MGLL: variants seen among roughly 807,000 people sequenced by gnomAD.
MGLL encodes monoglyceride lipase, also known as lysophospholipase homolog.
A neutral mutation model predicts 29.1 loss-of-function variants in MGLL; 7 were observed. That is an observed-to-expected ratio of 0.24 (90% confidence interval 0.14 to 0.45). MGLL has a LOEUF of 0.45. MGLL is among the 20% of genes least tolerant of loss of function. The pLI is 0.99. For synonymous variants in MGLL, 148 were observed against 168.3 expected (o/e 0.88, Z 0.93); for missense variants, 356 against 413.6 (o/e 0.86, Z 1.21).
chr3:127,729,579 A>G (rs1390307174), intron 3 of MGLL, among the ~76,000 whole-genome samples: 1 of 152,198 alleles, frequency 6.6e-6, no homozygotes, highest in East Asian at 1.9e-4. Context: ...CACTATCTAT[A>G]AGAAGTTCCA....
chr3:127,695,047 G>C lies in MGLL; in HGVS notation c.744C>G (p.Ala248=). 6.2e-7 allele frequency: 1 copy of C among 1,614,104 alleles called. No homozygotes were observed. Residue 248 remains alanine, a synonymous_variant, in exon 7 of 8, where the codon GCC becomes GCG. Transcript: ENST00000265052. ...TVPFLLLQGS[A]DRLCDSKGAY... ...CCCCTTTGCTGTCACATAGGCGATC[G>C]GCAGAGCCCTGGAGCAGCAGGAAGG...
chr3:127,691,383 A>T lies in MGLL; in HGVS notation c.*815T>A, dbSNP rs2107572317. 1 of 152,334 alleles carries T rather than the reference A, an allele frequency of 6.6e-6. No individual in the cohort carries two copies. The highest frequency in any genetic ancestry group is 1.5e-5 in the Non-Finnish European group (1 of 68,056). The allele number at this position is 152,334 out of a possible 1,614,324, so 9.4% of individuals were successfully genotyped here. A position where few individuals can be genotyped will look rare whatever the true frequency, so the allele number is the denominator to read the frequency against. On this transcript the variant is annotated 3_prime_UTR_variant, in exon 8 of 8. Coordinates refer to ENST00000265052, the MANE Select transcript of MGLL (RefSeq NM_007283.7). ...AAATAGTCTCTGCTTTAAAATATACATTATATATTAGACATTTCATCTTCA... is the reference window on the plus strand; with the variant it reads ...AAATAGTCTCTGCTTTAAAATATACTTTATATATTAGACATTTCATCTTCA...
At chr3:127,715,691 G>C (rs1464637401) in intron 5 of MGLL, 1 of 456,726 alleles carries the variant, frequency 2.2e-6, no homozygotes, top group Admixed American at 2.3e-5. Flanking sequence ...CATTGAGGCG[G>C]CATGACGAGG....
chr3:127,812,973 A>G (rs530448910), intron 2 of MGLL, among the ~76,000 whole-genome samples: 1 of 152,200 alleles, frequency 6.6e-6, no homozygotes, highest in South Asian at 2.1e-4. Flanking sequence ...TCTCTTCAAG[A>G]TTGACGGAAG....
chr3:127,763,519 C>T lies in MGLL; in HGVS notation c.262+18270G>A, dbSNP rs572899819. Among the ~76,000 whole-genome samples, 423 of 152,330 alleles carry T rather than the reference C, an allele frequency of 2.8e-3. 1 individual carries two copies. Among genetic ancestry groups the T allele is most frequent in the Non-Finnish European group, 5.0e-3 (341 of 68,026 alleles). ...ATGCCACAGTGTGGCTTCTGCTTGC[C>T]AAGGGGCCTGCCACAGCAGCCACGG... On this transcript the variant is annotated intron_variant, in intron 3 of 7. Coordinates refer to ENST00000265052, the MANE Select transcript of MGLL (RefSeq NM_007283.7).
rs774965066 is a variant in MGLL at position 127,737,630 on chromosome 3, C to CTTTTTTTTTTTT, written c.263-15076_263-15065dup. ...GACACAGTGAAATCATCAACTGCTT[C>CTTTTTTTTTTTT]TTTTTTTTTTTTTTTTTTTTTTTTT... On this transcript the variant is annotated intron_variant, in intron 3 of 7. Transcript: ENST00000265052. Among the ~76,000 whole-genome samples, 626 of 68,586 alleles carry CTTTTTTTTTTTT rather than the reference C, an allele frequency of 9.1e-3. 79 individuals are homozygous for CTTTTTTTTTTTT. The highest frequency in any genetic ancestry group is 0.041 in the East Asian group (75 of 1,814). The allele number at this position is 68,586 out of a possible 152,430, so 45.0% of individuals were successfully genotyped here.
At chr3:127,701,300 A>G (rs1214040947) in intron 6 of MGLL, among the ~76,000 whole-genome samples, 2 of 151,744 alleles carry the variant, frequency 1.3e-5, no homozygotes, top group African/African-American at 4.8e-5. Flanking sequence ...GTTGGCCTGA[A>G]TTTGGAACAT....
intron 5 of MGLL, among the ~76,000 whole-genome samples, chr3:127,718,022 G>GC (rs1033513137): frequency 4.6e-5 from 7 of 152,006 alleles, no homozygotes; most frequent in African/African-American, 4.8e-5. Context: ...AATGTTTGGG[G>GC]CCCCCCCATC....
At chr3:127,742,838 C>A (rs1179545964) in intron 3 of MGLL, among the ~76,000 whole-genome samples, 1 of 152,166 alleles carries the variant, frequency 6.6e-6, no homozygotes, top group Admixed American at 6.5e-5. Context: ...GCCGCTTGAG[C>A]CATTTCTTGC....
intron 3 of MGLL, among the ~76,000 whole-genome samples, chr3:127,739,762 C>T (rs974405666): frequency 6.6e-5 from 10 of 152,176 alleles, no homozygotes; most frequent in Non-Finnish European, 1.0e-4. Context: ...CTGGATGCCA[C>T]GCAGGGGTGT....
At chr3:127,812,199 C>CTTTA (rs763733280) in intron 2 of MGLL, among the ~76,000 whole-genome samples, 29 of 152,202 alleles carry the variant, frequency 1.9e-4, no homozygotes, top group Non-Finnish European at 4.3e-4. Flanking sequence ...TGACTTCCAG[C>CTTTA]TATAATAGCT....
intron 6 of MGLL, among the ~76,000 whole-genome samples, chr3:127,703,136 C>G (rs1242892888): frequency 6.6e-6 from 1 of 152,186 alleles, no homozygotes; most frequent in Non-Finnish European, 1.5e-5. Flanking sequence ...GCTTCAGAGT[C>G]TTCACAACCA....
At chr3:127,723,103 C>T (rs1247898759) in intron 3 of MGLL, among the ~76,000 whole-genome samples, 1 of 152,196 alleles carries the variant, frequency 6.6e-6, no homozygotes, top group African/African-American at 2.4e-5. Context: ...TGCCAGAAAG[C>T]GTCTCGACGA....
chr3:127,802,951 C>G (rs746626434), intron 2 of MGLL, among the ~76,000 whole-genome samples: 16 of 151,998 alleles, frequency 1.1e-4, no homozygotes, highest in Non-Finnish European at 2.1e-4. Flanking sequence ...GCTTGGAGCA[C>G]TGTCTTTCAA....
In MGLL at chr3:127,760,621, G is replaced by A. The variant is rs189532113; in HGVS notation, c.262+21168C>T. Among the ~76,000 whole-genome samples the A allele has an allele frequency of 1.7e-4, 26 of 152,336 alleles. No homozygotes were observed. In the East Asian group the frequency reaches 4.8e-3, roughly 28 times the overall value. On this transcript the variant is annotated intron_variant, in intron 3 of 7. Transcript: ENST00000265052. Reference sequence around the variant, plus strand: ...TTCCTGGAGCCGCTGCGGCACTTCTGTCAGATGATGCAGAAACCCCAGGGC... The same window carrying A: ...TTCCTGGAGCCGCTGCGGCACTTCTATCAGATGATGCAGAAACCCCAGGGC...
chr3:127,796,927 A>G (rs1553770594), intron 2 of MGLL, among the ~76,000 whole-genome samples: 3 of 152,064 alleles, frequency 2.0e-5, no homozygotes, highest in Non-Finnish European at 2.9e-5. Flanking sequence ...TGCTGCTAAC[A>G]TCTCTCTTTG....
chr3:127,766,312 AGCACACG>A (rs769111239), intron 3 of MGLL, among the ~76,000 whole-genome samples: 8 of 152,230 alleles, frequency 5.3e-5, no homozygotes, highest in Non-Finnish European at 1.0e-4. Context: ...GCACTGACCC[AGCACACG>A]GCAGGTTCTC....
At chr3:127,768,269 T>A (rs895203193) in intron 3 of MGLL, among the ~76,000 whole-genome samples, 12 of 152,178 alleles carry the variant, frequency 7.9e-5, no homozygotes, top group African/African-American at 2.9e-4. Flanking sequence ...CAGAACTAAC[T>A]AAGAAGGAGC....
At chr3:127,802,029 T>A (rs2077487817) in intron 2 of MGLL, among the ~76,000 whole-genome samples, 2 of 152,024 alleles carry the variant, frequency 1.3e-5, no homozygotes, top group Admixed American at 1.3e-4. Flanking sequence ...TGGGGACACA[T>A]CTCAGACCAA....
Sources: allele counts gnomAD v4.1 joint callset (sites outside exome capture counted in the v4.1 genomes callset), GRCh38; gene constraint gnomAD v4.1.1; transcripts MANE v1.5; gene names NCBI Gene and HGNC (gene_info 2026-07-23, HGNC 2026-07-21).